VARS1: variants seen among roughly 807,000 people sequenced by gnomAD.
VARS1 encodes valine--tRNA ligase.
Under a neutral mutation model 161.0 loss-of-function variants are expected in VARS1, and 92 were observed. That is an observed-to-expected ratio of 0.57 (90% CI 0.48 to 0.68). VARS1 has a LOEUF of 0.68. Ranked by LOEUF, VARS1 falls within the 30% of genes least tolerant of loss-of-function variation. The pLI, the probability that VARS1 is intolerant of heterozygous loss-of-function variation, is 0.00. For missense variants in VARS1, 1,338 were observed against 1,695.9 expected (o/e 0.79, Z 3.71); for synonymous variants, 595 against 682.5 (o/e 0.87, Z 2.00).
intron 8 of VARS1, among the ~76,000 whole-genome samples, chr6:31,788,447 C>T (rs368710769): frequency 2.0e-5 from 3 of 148,694 alleles, no homozygotes; most frequent in Admixed American, 6.7e-5. Flanking sequence ...TTGCAGTAAG[C>T]GCGCATCACT....
In VARS1 at chr6:31,780,830, C is replaced by T. The variant is rs755275710; in HGVS notation, c.2718+40G>A. 2.4e-5 allele frequency: 39 copies of T among 1,614,104 alleles called. No homozygotes were observed. In the Middle Eastern group the frequency reaches 2.5e-3, roughly 102 times the overall value. On this transcript the variant is annotated intron_variant, in intron 23 of 29. Coordinates refer to ENST00000375663, the MANE Select transcript of VARS1 (RefSeq NM_006295.3). This position sits in a 1 kb window ranked among gnomAD's most constrained non-coding sequence, Gnocchi z 5.1. ...AGGAGCGTCCTCAGCCAGCCCCATC[C>T]ACGCTGTGCTCCTGCTTAGCCCAGC...
Position 31,779,399 on chromosome 6 carries a change from G to T in VARS1, c.3400+26C>A. 1 of 1,608,704 alleles carries T rather than the reference G, an allele frequency of 6.2e-7. No individual in the cohort carries two copies. ...GTAGGCTGAGGGGACAGTGGGATGG[G>T]GCGGACATGGGGGCCTGAGGCTCAC... On this transcript the variant is annotated intron_variant, in intron 28 of 29. Transcript: ENST00000375663. The surrounding 1 kb of genome is among the most constrained non-coding windows in gnomAD (Gnocchi z 9.1).
chr6:31,795,555 A>C lies in VARS1; in HGVS notation c.-43T>G. The C allele has an allele frequency of 4.4e-6, 1 of 229,686 alleles. No homozygotes were observed. The highest frequency in any genetic ancestry group is 8.0e-5 in the East Asian group (1 of 12,544). 14.2% of individuals were successfully genotyped at this position (229,686 alleles called of 1,614,324 possible). On this transcript the variant is annotated 5_prime_UTR_variant, in exon 1 of 30. Transcript: ENST00000375663. This position sits in a 1 kb window ranked among gnomAD's most constrained non-coding sequence, Gnocchi z 6.9. ...AGCCGCGTGTACGTACTGGAGGGAG[A>C]TGGTCAGACTGGGCCGGGAATCCAC...
At chr6:31,793,216 C>T in intron 2 of VARS1, 96 bp from the exon 3 acceptor site, 1 of 1,444,268 alleles carries the variant, frequency 6.9e-7, no homozygotes, top group Admixed American at 2.6e-5. Context: ...CCCACTCTCA[C>T]AAATCACCAC....
chr6:31,788,316 A>G (rs1361587945), intron 8 of VARS1, among the ~76,000 whole-genome samples: 14 of 151,872 alleles, frequency 9.2e-5, no homozygotes, highest in Non-Finnish European at 2.9e-5. Context: ...CCTGACCAAC[A>G]TGGTGAAACC....
chr6:31,792,533 A>T lies in VARS1; in HGVS notation c.662-17T>A. The T allele has an allele frequency of 6.2e-7, 1 of 1,613,790 alleles. No homozygotes were observed. The highest frequency in any genetic ancestry group is 8.5e-7 in the Non-Finnish European group (1 of 1,179,968). On this transcript the variant is annotated splice_polypyrimidine_tract_variant and intron_variant, in intron 4 of 29. Coordinates refer to ENST00000375663, the MANE Select transcript of VARS1 (RefSeq NM_006295.3). The stretch of plus-strand genomic sequence containing the variant: ...CCTCGGGGCCTAGAGAGAGGTGCAG[A>T]AATTCAGACTCAGCCAGCTGGGGAC...
Position 31,781,610 on chromosome 6 carries a change from A to T in VARS1, c.2419-4T>A. 1 of 1,612,920 alleles carries T rather than the reference A, an allele frequency of 6.2e-7. No individual in the cohort carries two copies. Among genetic ancestry groups the T allele is most frequent in the South Asian group, 1.1e-5 (1 of 91,084 alleles). On this transcript the variant is annotated splice_polypyrimidine_tract_variant and splice_region_variant and intron_variant, in intron 20 of 29. Coordinates refer to ENST00000375663, the MANE Select transcript of VARS1 (RefSeq NM_006295.3). The surrounding 1 kb of genome is among the most constrained non-coding windows in gnomAD (Gnocchi z 6.8). ...AGAACACACTCAGGTCTTCTGACTGAGGGCAGACCAGGGTGTGAAGGGGAG... is the reference window on the plus strand; with the variant it reads ...AGAACACACTCAGGTCTTCTGACTGTGGGCAGACCAGGGTGTGAAGGGGAG...
rs575020952 is a variant in VARS1, at chr6:31,786,728, A to T, written c.1101-995T>A. Among the ~76,000 whole-genome samples, 3 of 151,856 alleles carry T rather than the reference A, an allele frequency of 2.0e-5. No individual in the cohort carries two copies. The East Asian group carries it at 5.8e-4, about 29-fold the overall frequency. ...GAGGCTCCTGCCAAACAGGATAGCA[A>T]AAGTTCTAATTGTTAAAATAAGTTA... On this transcript the variant is annotated intron_variant, in intron 8 of 29. Transcript: ENST00000375663.
Position 31,780,935 on chromosome 6 carries a change from G to A in VARS1, c.2653C>T (p.Leu885Phe), listed in dbSNP as rs1060499734. 1 of 1,614,138 alleles carries A rather than the reference G, an allele frequency of 6.2e-7. No homozygotes were observed. Among genetic ancestry groups the A allele is most frequent in the Middle Eastern group, 1.6e-4 (1 of 6,062 alleles). ...TTGCTGTTCAGCAGCTGGTTGTGGA[G>A]GCCCTGAGGGTGGAGTGGGAGCAGT... ...DVIYGISLQG[L>F]HNQLLNSNLD... The change falls in exon 23 of 30, where the codon CTC (leucine) becomes TTC (phenylalanine). Residue 885 changes from leucine to phenylalanine, a missense_variant. By Grantham distance (22) the Leu-to-Phe change is conservative (BLOSUM62 0). Transcript: ENST00000375663. This position sits in a 1 kb window ranked among gnomAD's most constrained non-coding sequence, Gnocchi z 5.1.
Position 31,784,356 on chromosome 6 carries a change from C to T in VARS1, c.1576+38G>A, listed in dbSNP as rs1813352761. On this transcript the variant is annotated intron_variant, in intron 12 of 29. Transcript: ENST00000375663. The surrounding 1 kb of genome is among the most constrained non-coding windows in gnomAD (Gnocchi z 6.1). ...GGTCTTGGCCTTGGCCCCTTCCTGC[C>T]ACTCCCAGCCCAGGATCCTGGTGCC... 5 of 1,614,198 alleles carry T rather than the reference C, an allele frequency of 3.1e-6. No individual in the cohort carries two copies. In the African/African-American group the frequency reaches 5.3e-5, roughly 17 times the overall value.
In VARS1 at chr6:31,782,134, G is replaced by A; in HGVS notation, c.2194C>T (p.Pro732Ser). 6.2e-7 allele frequency: 1 copy of A among 1,613,996 alleles called. No individual in the cohort carries two copies. Among genetic ancestry groups the A allele is most frequent in the Non-Finnish European group, 8.5e-7 (1 of 1,179,968 alleles). ...SRQLWWGHRI[P>S]AYFVTVSDPA... Reference sequence around the variant, plus strand: ...TCACTGACAGTGACAAAGTAGGCTGGGATGCGATGGCCCCACCACAGCTGC... The same window carrying A: ...TCACTGACAGTGACAAAGTAGGCTGAGATGCGATGGCCCCACCACAGCTGC... Residue 732 changes from proline (P) to serine (S), a missense_variant, in exon 18 of 30, where the codon CCA (proline) becomes TCA (serine). Physicochemically the swap from Pro to Ser is moderately conservative, Grantham distance 74 (BLOSUM62 -1). Coordinates refer to ENST00000375663, the MANE Select transcript of VARS1 (RefSeq NM_006295.3). This position sits in a 1 kb window ranked among gnomAD's most constrained non-coding sequence, Gnocchi z 8.3.
Position 31,777,711 on chromosome 6 carries a change from A to G in VARS1, c.3727-49T>C. 1 of 1,583,776 alleles carries G rather than the reference A, an allele frequency of 6.3e-7. No homozygotes were observed. The highest frequency in any genetic ancestry group is 8.6e-7 in the Non-Finnish European group (1 of 1,162,250). On this transcript the variant is annotated intron_variant, in intron 29 of 29. Transcript: ENST00000375663. This position sits in a 1 kb window ranked among gnomAD's most constrained non-coding sequence, Gnocchi z 5.8. Reference sequence around the variant, plus strand: ...TGAGGACCCAGGTCCAAGTGAAGAGACCCCCAAACACCCAGGACAACAAAG... The same window carrying G: ...TGAGGACCCAGGTCCAAGTGAAGAGGCCCCCAAACACCCAGGACAACAAAG...
Position 31,780,789 on chromosome 6 carries a change from G to T in VARS1, c.2719-6C>A. The T allele has an allele frequency of 1.9e-6, 3 of 1,614,194 alleles. No homozygotes were observed. Among genetic ancestry groups the T allele is most frequent in the Non-Finnish European group, 2.5e-6 (3 of 1,180,020 alleles). ...CCCGCTGGGAAGTCAGCTTTCTACA[G>T]GGAAGAGGCAGGGGGAGGAGCGTCC... On this transcript the variant is annotated splice_region_variant and splice_polypyrimidine_tract_variant and intron_variant, in intron 23 of 29. Transcript: ENST00000375663. The surrounding 1 kb of genome is among the most constrained non-coding windows in gnomAD (Gnocchi z 5.1).
Position 31,778,678 on chromosome 6 carries a change from T to G in VARS1, c.3726+289A>C. ...GTGTGTGCCACTATGGCCAGCTAAT[T>G]TTTGTATTTTTGTTGTAGAGATGGG... On this transcript the variant is annotated intron_variant, in intron 29 of 29. Coordinates refer to ENST00000375663, the MANE Select transcript of VARS1 (RefSeq NM_006295.3). The surrounding 1 kb of genome is among the most constrained non-coding windows in gnomAD (Gnocchi z 5.1). The G allele has an allele frequency of 2.0e-6, 1 of 493,104 alleles. No homozygotes were observed. Among genetic ancestry groups the G allele is most frequent in the East Asian group, 3.9e-5 (1 of 25,622 alleles). The allele number at this position is 493,104 out of a possible 1,614,324, so 30.5% of individuals were successfully genotyped here. A position where few individuals can be genotyped will look rare whatever the true frequency, so the allele number is the denominator to read the frequency against.
intron 13 of VARS1, 194 bp from the exon 14 acceptor site, chr6:31,783,380 C>T (rs534083473): frequency 6.7e-6 from 4 of 599,570 alleles, no homozygotes; most frequent in East Asian, 2.8e-5. Flanking sequence ...TGTGGTGACG[C>T]GTGCCTGTAA....
intron 8 of VARS1, among the ~76,000 whole-genome samples, chr6:31,790,089 C>T (rs920160943): frequency 2.0e-5 from 3 of 150,332 alleles, no homozygotes; most frequent in Admixed American, 1.3e-4. Context: ...CTAACACTAA[C>T]GATAGCTGAT....
chr6:31,792,211 T>C lies in VARS1; in HGVS notation c.871+6A>G. ...TGAGGGGTGAGCCCCTTCCCACTCC[T>C]AGTACCTTTCTTTTCCCCGGGTGGG... On this transcript the variant is annotated splice_donor_region_variant and intron_variant, in intron 6 of 29. Transcript: ENST00000375663. The C allele has an allele frequency of 6.2e-7, 1 of 1,613,536 alleles. No homozygotes were observed.
In VARS1 at chr6:31,779,260, C is replaced by T. The variant is rs537143804; in HGVS notation, c.3433G>A (p.Ala1145Thr). The change falls in exon 29 of 30, where the codon GCC becomes ACC. Residue 1145 changes from alanine to threonine, a missense_variant. By Grantham distance (58) the Ala-to-Thr change is moderately conservative (BLOSUM62 0). This residue lies in a region of VARS1 where 433 missense variants were observed against 586.2 expected (regional missense o/e 0.74). Coordinates refer to ENST00000375663, the MANE Select transcript of VARS1 (RefSeq NM_006295.3). This position sits in a 1 kb window ranked among gnomAD's most constrained non-coding sequence, Gnocchi z 9.1. ...FLEVADEATG[A>T]LASAVSGYVQ... ...TAGCCCGACACCGCCGATGCCAGGG[C>T]GCCCGTGGCCTCATCCGCCACTTCC... is the stretch of plus-strand genomic sequence containing the variant. 22 of 1,603,970 alleles carry T rather than the reference C, an allele frequency of 1.4e-5. No homozygotes were observed. The highest frequency in any genetic ancestry group is 1.7e-5 in the Non-Finnish European group (20 of 1,179,554).
rs1019921559 is a variant in VARS1, at chr6:31,782,691, C to A, written c.1887+30G>T. Reference sequence around the variant, plus strand: ...CCCAGCCATCCCTCCATCTCCCTGACCCGGGCACTCTTGCCTCAGGCAGCC... The same window carrying A: ...CCCAGCCATCCCTCCATCTCCCTGAACCGGGCACTCTTGCCTCAGGCAGCC... On this transcript the variant is annotated intron_variant, in intron 15 of 29. Transcript: ENST00000375663. The surrounding 1 kb of genome is among the most constrained non-coding windows in gnomAD (Gnocchi z 8.3). 4 of 1,612,930 alleles carry A rather than the reference C, an allele frequency of 2.5e-6. No homozygotes were observed. Among genetic ancestry groups the A allele is most frequent in the Admixed American group, 3.3e-5 (2 of 60,002 alleles).
Sources: allele counts gnomAD v4.1 joint callset (sites outside exome capture counted in the v4.1 genomes callset), GRCh38; gene constraint gnomAD v4.1.1; regional missense constraint gnomAD v4.1.1; non-coding constraint Gnocchi (gnomAD v3.1); transcripts MANE v1.5; gene names NCBI Gene and HGNC (gene_info 2026-07-23, HGNC 2026-07-21).